LRRC4C: variants seen among roughly 807,000 people sequenced by gnomAD.
LRRC4C encodes the protein leucine rich repeat containing 4C, also known as leucine-rich repeat-containing protein 4C.
LRRC4C carries 5 observed loss-of-function variants against 33.6 expected under a neutral mutation model. The observed-to-expected ratio is 0.15, with a 90% confidence interval of 0.08 to 0.31. LRRC4C has a LOEUF of 0.31. LRRC4C is among the 10% of genes least tolerant of loss of function. LRRC4C has a pLI of 1.00. For synonymous variants in LRRC4C, 329 were observed against 302.0 expected (o/e 1.09, Z -0.93); for missense variants, 560 against 796.7 (o/e 0.70, Z 3.58).
chr11:41,338,105 A>G (rs991172978), intron 1 of LRRC4C, among the ~76,000 whole-genome samples: 1 of 152,130 alleles, frequency 6.6e-6, no homozygotes, highest in African/African-American at 2.4e-5. Context: ...GGTTAAATTA[A>G]TTCAACCATT....
intron 1 of LRRC4C, among the ~76,000 whole-genome samples, chr11:41,220,961 G>T (rs374834684): frequency 6.6e-6 from 1 of 152,058 alleles, no homozygotes; most frequent in African/African-American, 2.4e-5. Flanking sequence ...ATTTCTCTTG[G>T]TTCAAGATAT....
chr11:41,024,372 G>A (rs956410304), intron 1 of LRRC4C, among the ~76,000 whole-genome samples: 7 of 151,714 alleles, frequency 4.6e-5, no homozygotes, highest in African/African-American at 1.7e-4. Context: ...GAATCTTGGT[G>A]TTCATACTAT....
At chr11:40,795,031 C>G (rs751492579) in intron 2 of LRRC4C, among the ~76,000 whole-genome samples, 1 of 152,130 alleles carries the variant, frequency 6.6e-6, no homozygotes, top group Non-Finnish European at 1.5e-5. Flanking sequence ...CCAAATCTTC[C>G]CATCACTTCA....
intron 2 of LRRC4C, among the ~76,000 whole-genome samples, chr11:40,890,434 C>T (rs1461301733): frequency 2.6e-5 from 4 of 152,210 alleles, no homozygotes; most frequent in East Asian, 3.9e-4. Flanking sequence ...AACAGTAATC[C>T]ACTCATGAGG....
intron 6 of LRRC4C, among the ~76,000 whole-genome samples, chr11:40,121,343 T>G (rs1219534009): frequency 6.6e-6 from 1 of 152,228 alleles, no homozygotes; most frequent in Admixed American, 6.5e-5. Flanking sequence ...GAATTATAGC[T>G]GGTTCAAAGC....
At chr11:40,255,048 AC>A (rs1867092362) in intron 4 of LRRC4C, among the ~76,000 whole-genome samples, 2 of 152,012 alleles carry the variant, frequency 1.3e-5, no homozygotes, top group Admixed American at 1.3e-4. Context: ...CTGACCTCCC[AC>A]CATGGCCTCC....
Position 40,506,514 on chromosome 11 carries a change from A to T in LRRC4C, c.-270+141628T>A, listed in dbSNP as rs530860571. Among the ~76,000 whole-genome samples, 291 of 152,314 alleles carry T rather than the reference A, an allele frequency of 1.9e-3. 1 individual carries two copies. Among genetic ancestry groups the T allele is most frequent in the Middle Eastern group, 0.01 (3 of 294 alleles). ...ACAATTAGATAAAGTAAGTTGCTGAAAATCTAAACTATTTATCTATTCCAA... is the reference window on the plus strand; with the variant it reads ...ACAATTAGATAAAGTAAGTTGCTGATAATCTAAACTATTTATCTATTCCAA... On this transcript the variant is annotated intron_variant, in intron 3 of 6. Transcript: ENST00000528697.
chr11:40,973,982 T>C (rs1472507604), intron 1 of LRRC4C, among the ~76,000 whole-genome samples: 1 of 152,174 alleles, frequency 6.6e-6, no homozygotes, highest in Non-Finnish European at 1.5e-5. Flanking sequence ...CACAAGGCCA[T>C]GTGTGCAAAC....
intron 1 of LRRC4C, among the ~76,000 whole-genome samples, chr11:41,344,462 C>T (rs545025291): frequency 1.1e-4 from 17 of 152,164 alleles, no homozygotes; most frequent in South Asian, 4.1e-4. Flanking sequence ...CCTCGTGATC[C>T]GCCCGCCTCG....
intron 1 of LRRC4C, among the ~76,000 whole-genome samples, chr11:41,004,343 A>G (rs558037088): frequency 6.6e-6 from 1 of 152,202 alleles, no homozygotes; most frequent in Non-Finnish European, 1.5e-5. Context: ...CTATAACAAG[A>G]CCATCTGTCT....
At chr11:41,274,749 G>T (rs1464877997) in intron 1 of LRRC4C, among the ~76,000 whole-genome samples, 6 of 152,060 alleles carry the variant, frequency 3.9e-5, no homozygotes, top group African/African-American at 1.4e-4. Flanking sequence ...AATAAATCTT[G>T]CTGCTGCTCA....
intron 2 of LRRC4C, among the ~76,000 whole-genome samples, chr11:40,927,460 T>C (rs1479844149): frequency 6.6e-6 from 1 of 152,134 alleles, no homozygotes; most frequent in East Asian, 1.9e-4. Flanking sequence ...TATTTATTAA[T>C]TGTTATAAAG....
intron 1 of LRRC4C, among the ~76,000 whole-genome samples, chr11:41,190,632 T>C (rs1396547860): frequency 6.6e-6 from 1 of 152,156 alleles, no homozygotes; most frequent in Non-Finnish European, 1.5e-5. Flanking sequence ...AACGGTAAAA[T>C]GACGTATGCT....
intron 1 of LRRC4C, among the ~76,000 whole-genome samples, chr11:41,440,725 C>T (rs1955591097): frequency 6.6e-6 from 1 of 152,102 alleles, no homozygotes; most frequent in African/African-American, 2.4e-5. Flanking sequence ...TTCCCCCTTG[C>T]TGTTCTCATG....
intron 3 of LRRC4C, among the ~76,000 whole-genome samples, chr11:40,533,860 G>C (rs1956368078): frequency 1.3e-5 from 2 of 152,050 alleles, no homozygotes; most frequent in African/African-American, 4.8e-5. Flanking sequence ...AGGACTCAAG[G>C]CTCCACTTTG....
At chr11:40,698,492 G>A (rs1945694049) in intron 2 of LRRC4C, among the ~76,000 whole-genome samples, 1 of 151,006 alleles carries the variant, frequency 6.6e-6, no homozygotes, top group South Asian at 2.1e-4. Flanking sequence ...ATCCTAATCA[G>A]TCTTGCCTCA....
intron 2 of LRRC4C, among the ~76,000 whole-genome samples, chr11:40,702,998 G>A (rs1297179293): frequency 2.6e-5 from 4 of 152,042 alleles, no homozygotes; most frequent in African/African-American, 9.7e-5. Flanking sequence ...TAGTTTCAGA[G>A]AACATATTAG....
At chr11:41,343,553 AG>A (rs1453112232) in intron 1 of LRRC4C, among the ~76,000 whole-genome samples, 1 of 152,218 alleles carries the variant, frequency 6.6e-6, no homozygotes, top group Non-Finnish European at 1.5e-5. Context: ...TCTTATAGAT[AG>A]GTTAATCAGG....
At position 40,424,751 on chromosome 11, in the gene LRRC4C, T is replaced by C. The variant is rs576069044; in HGVS notation, c.-269-105030A>G. Among the ~76,000 whole-genome samples the C allele has an allele frequency of 6.4e-4, 97 of 152,312 alleles. 1 individual carries two copies. The South Asian group carries it at 0.012, about 18-fold the overall frequency. ...GTACATGGTTTGAATGCATTAAAAA[T>C]TATATGTATATTTGACTAGGCACAA... On this transcript the variant is annotated intron_variant, in intron 3 of 6. Transcript: ENST00000528697.
Sources: gnomAD v4.1 joint callset for allele counts (sites outside exome capture counted in the v4.1 genomes callset) on GRCh38, gnomAD v4.1.1 for gene constraint, MANE v1.5 for transcripts, NCBI Gene and HGNC (gene_info 2026-07-23, HGNC 2026-07-21) for gene names.